SERGEF: variants seen among roughly 807,000 people sequenced by gnomAD.
The protein encoded by SERGEF is secretion-regulating guanine nucleotide exchange factor.
A neutral mutation model predicts 50.0 loss-of-function variants in SERGEF; 51 were observed. The observed-to-expected ratio is 1.02, with a 90% CI of 0.81 to 1.29. SERGEF has a LOEUF of 1.29. Among genes scored for constraint, SERGEF ranks in the 50% most tolerant of loss-of-function variants. The probability of loss-of-function intolerance (pLI) is 0.00; values close to 1 mark genes in which losing one functional copy is unlikely to be tolerated. For synonymous variants in SERGEF, 205 were observed against 212.4 expected, an observed-to-expected ratio of 0.97 and a Z score of 0.30; for missense variants, 521 against 557.0, an observed-to-expected ratio of 0.94 and a Z score of 0.65.
At chr11:17,832,498 G>A (rs937578151) in intron 10 of SERGEF, among the ~76,000 whole-genome samples, 1 of 152,182 alleles carries the variant, frequency 6.6e-6, no homozygotes, top group African/African-American at 2.4e-5. Flanking sequence ...ACAGTAAACT[G>A]GTACCAGTAG....
intron 1 of SERGEF, chr11:18,012,367 CCT>C (rs1300491402): frequency 6.5e-6 from 3 of 464,550 alleles, no homozygotes; most frequent in African/African-American, 4.3e-5. Flanking sequence ...TCAAGATGAC[CCT>C]GTCTCTCCCA....
At chr11:17,800,491 G>C (rs1006952558) in intron 10 of SERGEF, among the ~76,000 whole-genome samples, 1 of 152,188 alleles carries the variant, frequency 6.6e-6, no homozygotes, top group Non-Finnish European at 1.5e-5. Flanking sequence ...GAATAAATGA[G>C]TGGAAGAATA....
chr11:18,006,491 A>C (rs1854077700), intron 3 of SERGEF, 100 bp downstream of exon 3: 1 of 1,240,854 alleles, frequency 8.1e-7, no homozygotes. Context: ...TGTGCTTTTT[A>C]AACACAAAGA....
intron 9 of SERGEF, chr11:17,926,980 G>T (rs1039378895): frequency 5.2e-6 from 2 of 381,968 alleles, no homozygotes; most frequent in Non-Finnish European, 1.1e-5. Context: ...ACCAACCATC[G>T]CCTGTCACCA....
chr11:17,832,884 C>T (rs560466153), intron 10 of SERGEF, among the ~76,000 whole-genome samples: 1 of 152,166 alleles, frequency 6.6e-6, no homozygotes, highest in Non-Finnish European at 1.5e-5. Flanking sequence ...AGCAAACATT[C>T]AAGAGGTGAC....
rs147386112 is a variant in SERGEF, at chr11:17,972,130, T to A, written c.845-12494A>T. On this transcript the variant is annotated intron_variant, in intron 8 of 10. Coordinates refer to ENST00000265965, the MANE Select transcript of SERGEF (RefSeq NM_012139.4). ...AAGAAAGTGATTTATTGAGATGGAA[T>A]CTACTCCTGGTGAAGATTCTGTGAA... 1.2e-3 allele frequency among the ~76,000 whole-genome samples: 180 copies of A among 152,344 alleles called. 4 individuals carry two copies. In the East Asian group the frequency reaches 0.022, roughly 19 times the overall value.
chr11:17,892,604 T>C (rs1851552272), intron 9 of SERGEF, among the ~76,000 whole-genome samples: 1 of 152,214 alleles, frequency 6.6e-6, no homozygotes, highest in African/African-American at 2.4e-5. Flanking sequence ...TTATGAGTGA[T>C]TTATTACGTA....
chr11:17,863,143 T>C (rs1048318562), intron 10 of SERGEF, among the ~76,000 whole-genome samples: 4 of 152,218 alleles, frequency 2.6e-5, no homozygotes, highest in African/African-American at 9.6e-5. Context: ...GGGGACAATT[T>C]CTATCTACTT....
chr11:17,903,327 C>A (rs1851780742), intron 9 of SERGEF, among the ~76,000 whole-genome samples: 2 of 152,168 alleles, frequency 1.3e-5, no homozygotes, highest in Admixed American at 1.3e-4. Context: ...GGGGCAGAAA[C>A]TCCAACTGGC....
At position 17,884,414 on chromosome 11, in the gene SERGEF, C is replaced by A. The variant is rs1235363839; in HGVS notation, c.1012-6170G>T. On this transcript the variant is annotated intron_variant, in intron 9 of 10. Coordinates refer to ENST00000265965, the MANE Select transcript of SERGEF (RefSeq NM_012139.4). The surrounding 1 kb of genome is among the most constrained non-coding windows in gnomAD (Gnocchi z 4.6). Reference sequence around the variant, plus strand: ...TGGGTTAACAGGGCGAGGGAATGGGCGTCTCGGTGCCGCCTTTGCTAGAGC... The same window carrying A: ...TGGGTTAACAGGGCGAGGGAATGGGAGTCTCGGTGCCGCCTTTGCTAGAGC... Among the ~76,000 whole-genome samples the A allele has an allele frequency of 6.6e-6, 1 of 152,128 alleles. No homozygotes were observed. Among genetic ancestry groups the A allele is most frequent in the East Asian group, 1.9e-4 (1 of 5,172 alleles).
At chr11:17,830,685 A>G (rs11024414) in intron 10 of SERGEF, among the ~76,000 whole-genome samples, 1 of 118,884 alleles carries the variant, frequency 8.4e-6, no homozygotes, top group Non-Finnish European at 1.8e-5. Flanking sequence ...AGAGAGAGAG[A>G]GAGCACATGT....
intron 7 of SERGEF, among the ~76,000 whole-genome samples, chr11:17,992,089 C>G (rs1358230762): frequency 1.3e-5 from 2 of 152,094 alleles, no homozygotes; most frequent in Non-Finnish European, 2.9e-5. Context: ...ACAGTTTATA[C>G]TGTATTGGCT....
chr11:17,805,720 T>TA (rs900199097), intron 10 of SERGEF, among the ~76,000 whole-genome samples: 1 of 152,166 alleles, frequency 6.6e-6, no homozygotes, highest in African/African-American at 2.4e-5. Flanking sequence ...CCACCAGTGT[T>TA]AGAGTCAAAA....
chr11:17,914,457 A>C (rs182957494), intron 9 of SERGEF, among the ~76,000 whole-genome samples: 1 of 152,010 alleles, frequency 6.6e-6, no homozygotes, highest in Non-Finnish European at 1.5e-5. Context: ...CTTGCTCTGA[A>C]CCCAGGCTGG....
At chr11:17,902,718 G>C (rs1298935567) in intron 9 of SERGEF, among the ~76,000 whole-genome samples, 1 of 152,218 alleles carries the variant, frequency 6.6e-6, no homozygotes, top group Non-Finnish European at 1.5e-5. Context: ...CCACTTCAGA[G>C]ACAAACAAAC....
chr11:17,896,339 A>G (rs1851619688), intron 9 of SERGEF, among the ~76,000 whole-genome samples: 1 of 152,154 alleles, frequency 6.6e-6, no homozygotes, highest in South Asian at 2.1e-4. Flanking sequence ...ATTTAATTCT[A>G]TAAAGTATAC....
At chr11:17,800,201 G>A (rs981578186) in intron 10 of SERGEF, among the ~76,000 whole-genome samples, 3 of 152,024 alleles carry the variant, frequency 2.0e-5, no homozygotes, top group African/African-American at 7.2e-5. Context: ...TAGGTTCATA[G>A]TAAAATTAAG....
At chr11:17,793,446 C>T (rs189527688) in intron 10 of SERGEF, among the ~76,000 whole-genome samples, 122 of 152,342 alleles carry the variant, frequency 8.0e-4, no homozygotes, top group Admixed American at 2.4e-3. Flanking sequence ...CACCCCCTAA[C>T]CTCACTTAGG....
At chr11:17,820,597 G>A (rs1850063127) in intron 10 of SERGEF, among the ~76,000 whole-genome samples, 1 of 152,126 alleles carries the variant, frequency 6.6e-6, no homozygotes, top group South Asian at 2.1e-4. Context: ...ACCTCATAAG[G>A]TGAATATACA....
Sources: allele counts gnomAD v4.1 joint callset (sites outside exome capture counted in the v4.1 genomes callset), GRCh38; gene constraint gnomAD v4.1.1; non-coding constraint Gnocchi (gnomAD v3.1); transcripts MANE v1.5; gene names NCBI Gene and HGNC (gene_info 2026-07-23, HGNC 2026-07-21).